The following FBXO15 variants were observed in gnomAD, a reference collection of about 807,000 sequenced individuals.
FBXO15 encodes F-box protein 15.
Under a neutral mutation model 49.5 loss-of-function variants are expected in FBXO15, and 30 were observed. That is an observed-to-expected ratio of 0.61 (90% CI 0.45 to 0.82). FBXO15 has a LOEUF of 0.82. Among genes scored for constraint, FBXO15 ranks in the 40% least tolerant of loss-of-function variants. The pLI is 0.00. For missense variants in FBXO15, 591 were observed against 631.5 expected (o/e 0.94, Z 0.69); for synonymous variants, 250 against 232.7 (o/e 1.07, Z -0.68).
chr18:74,132,125 A>G (rs554488369), intron 3 of FBXO15, among the ~76,000 whole-genome samples: 2 of 152,336 alleles, frequency 1.3e-5, no homozygotes, highest in African/African-American at 4.8e-5. Flanking sequence ...TGTGTTTTCA[A>G]TTCAGAAATT....
intron 3 of FBXO15, 64 bp downstream of exon 3, chr18:74,135,698 C>G: frequency 8.0e-7 from 1 of 1,248,596 alleles, no homozygotes; most frequent in East Asian, 2.4e-5. Context: ...TAAAAAGTTA[C>G]TAGTTTTCCT....
chr18:74,140,715 C>T (rs1471214286), intron 1 of FBXO15: 1 of 181,618 alleles, frequency 5.5e-6, no homozygotes, highest in South Asian at 1.2e-4. Context: ...ACCTCAAGAC[C>T]GTACTTACTC....
At chr18:74,101,894 G>C (rs1913538474) in intron 8 of FBXO15, among the ~76,000 whole-genome samples, 1 of 152,094 alleles carries the variant, frequency 6.6e-6, no homozygotes, top group Non-Finnish European at 1.5e-5. Flanking sequence ...AAATGTGCTG[G>C]GATAATTGGC....
chr18:74,094,733 T>C (rs1599144882), intron 8 of FBXO15, among the ~76,000 whole-genome samples: 1 of 152,204 alleles, frequency 6.6e-6, no homozygotes, highest in Non-Finnish European at 1.5e-5. Context: ...TAAAAGAGGA[T>C]TGGCTTGAAC....
At chr18:74,086,478 C>T (rs762446199) in intron 8 of FBXO15, among the ~76,000 whole-genome samples, 41 of 152,154 alleles carry the variant, frequency 2.7e-4, no homozygotes, top group Non-Finnish European at 7.4e-5. Flanking sequence ...GCACAGGCTG[C>T]AGTGCAGTGG....
chr18:74,087,354 C>T (rs1209722350), intron 8 of FBXO15, among the ~76,000 whole-genome samples: 1 of 152,136 alleles, frequency 6.6e-6, no homozygotes, highest in Non-Finnish European at 1.5e-5. Context: ...GCATAGTACC[C>T]GATAGGTAGT....
rs1377231021 is a variant in FBXO15 at position 74,075,689 on chromosome 18, C to G, written c.1264-1959G>C. On this transcript the variant is annotated intron_variant, in intron 9 of 9. Coordinates refer to ENST00000419743, the MANE Select transcript of FBXO15 (RefSeq NM_001142958.2). The surrounding 1 kb of genome is among the most constrained non-coding windows in gnomAD (Gnocchi z 4.1). ...CTAAATCCAGTGACCATCTGTCAGT[C>G]TGCTTCTCAGCAGTGTTTAGTTTTT... Among the ~76,000 whole-genome samples, 2 of 152,224 alleles carry G rather than the reference C, an allele frequency of 1.3e-5. No homozygotes were observed. The highest frequency in any genetic ancestry group is 2.4e-5 in the African/African-American group (1 of 41,464).
At chr18:74,145,593 A>AGTTTTTTTTT (rs1568186088) in intron 1 of FBXO15, among the ~76,000 whole-genome samples, 22 of 108,144 alleles carry the variant, frequency 2.0e-4, no homozygotes, top group African/African-American at 1.0e-3. Flanking sequence ...AACCAACTGC[A>AGTTTTTTTTT]CTTTTTTTTT....
rs562293292 is a variant in FBXO15 at position 74,088,580 on chromosome 18, G to A, written c.1139-6529C>T. Among the ~76,000 whole-genome samples the A allele has an allele frequency of 2.6e-5, 4 of 152,290 alleles. No individual in the cohort carries two copies. In the South Asian group the frequency reaches 6.2e-4, roughly 24 times the overall value. ...GGTCTATGTGTCTGTTTTTATGCAA[G>A]TACCATGCTGTTTTGGCTACTGTAG... On this transcript the variant is annotated intron_variant, in intron 8 of 9. Coordinates refer to ENST00000419743, the MANE Select transcript of FBXO15 (RefSeq NM_001142958.2).
chr18:74,086,244 T>C (rs1331329075), intron 8 of FBXO15, among the ~76,000 whole-genome samples: 1 of 152,068 alleles, frequency 6.6e-6, no homozygotes, highest in East Asian at 1.9e-4. Context: ...AATAACATGA[T>C]ATATACAAAA....
intron 8 of FBXO15, among the ~76,000 whole-genome samples, chr18:74,105,076 A>G (rs1167626732): frequency 2.0e-5 from 3 of 152,184 alleles, no homozygotes; most frequent in Non-Finnish European, 2.9e-5. Context: ...GAAAACAAAT[A>G]TTGCACGTTC....
intron 3 of FBXO15, 132 bp from the exon 4 acceptor site, chr18:74,130,790 G>T: frequency 1.0e-6 from 1 of 985,914 alleles, no homozygotes; most frequent in South Asian, 1.8e-5. Flanking sequence ...ATTTACAGTT[G>T]AACGTTCATC....
chr18:74,090,583 C>T (rs12608045), intron 8 of FBXO15, among the ~76,000 whole-genome samples: 6,714 of 152,226 alleles, frequency 0.044, 203 homozygotes, highest in East Asian at 0.12. Context: ...AGCTTTGTCG[C>T]AGAGATTTTG....
chr18:74,073,566 G>A lies in FBXO15; in HGVS notation c.1428C>T (p.His476=), dbSNP rs772583557. 1.5e-5 allele frequency: 25 copies of A among 1,614,046 alleles called. No individual in the cohort carries two copies. The East Asian group carries it at 2.7e-4, about 17-fold the overall frequency. The part of the protein sequence containing the change: ...VDYVDAEGRV[H]VELVWIRETE... ...TCTCTCTGATCCACACCAGCTCCACGTGCACTCTTCCTTCCGCATCAACGT... is the reference window on the plus strand; with the variant it reads ...TCTCTCTGATCCACACCAGCTCCACATGCACTCTTCCTTCCGCATCAACGT... Residue 476 remains histidine (H), a synonymous_variant, in exon 10 of 10, where the codon CAC becomes CAT. Coordinates refer to ENST00000419743, the MANE Select transcript of FBXO15 (RefSeq NM_001142958.2).
chr18:74,113,044 G>C (rs1914098030), intron 8 of FBXO15, among the ~76,000 whole-genome samples: 1 of 152,154 alleles, frequency 6.6e-6, no homozygotes, highest in African/African-American at 2.4e-5. Context: ...CTAAAACTTG[G>C]AAGCAACCAA....
intron 8 of FBXO15, among the ~76,000 whole-genome samples, chr18:74,092,506 A>G (rs1330271052): frequency 2.0e-5 from 3 of 152,066 alleles, no homozygotes; most frequent in Admixed American, 6.6e-5. Flanking sequence ...GTGTGGGCTG[A>G]TGTTTCTTCA....
At chr18:74,136,849 G>A (rs1978755399) in intron 2 of FBXO15, among the ~76,000 whole-genome samples, 1 of 152,160 alleles carries the variant, frequency 6.6e-6, no homozygotes, top group East Asian at 1.9e-4. Context: ...AAGGGTCGGT[G>A]GGGGGCAGTT....
chr18:74,118,214 G>A lies in FBXO15; in HGVS notation c.1138+5154C>T, dbSNP rs183463453. Among the ~76,000 whole-genome samples, 66 of 152,058 alleles carry A rather than the reference G, an allele frequency of 4.3e-4. 1 individual carries two copies. The highest frequency in any genetic ancestry group is 4.3e-3 in the Admixed American group (66 of 15,278). ...GGGTTTCACCATGATGCCCAGGCTGGTCTGGAACTTCTGGGCTGAAGTGAT... is the reference window on the plus strand; with the variant it reads ...GGGTTTCACCATGATGCCCAGGCTGATCTGGAACTTCTGGGCTGAAGTGAT... On this transcript the variant is annotated intron_variant, in intron 8 of 9. Transcript: ENST00000419743.
intron 8 of FBXO15, among the ~76,000 whole-genome samples, chr18:74,118,009 CTTT>C (rs35355168): frequency 9.2e-5 from 13 of 141,206 alleles, no homozygotes; most frequent in Non-Finnish European, 1.1e-4. Context: ...ATACATATTT[CTTT>C]TTTTTTTTTT....
Sources: gnomAD v4.1 joint callset for allele counts (sites outside exome capture counted in the v4.1 genomes callset) on GRCh38, gnomAD v4.1.1 for gene constraint, Gnocchi (gnomAD v3.1) non-coding constraint, MANE v1.5 for transcripts, NCBI Gene and HGNC (gene_info 2026-07-23, HGNC 2026-07-21) for gene names.